ASXL3: variants seen among roughly 807,000 people sequenced by gnomAD.
The protein encoded by ASXL3 is ASXL transcriptional regulator 3.
In ASXL3, 34 loss-of-function variants were observed where a neutral mutation model predicts 170.6. The ratio of observed to expected loss-of-function variants is 0.20; its 90% confidence interval spans 0.15 to 0.27. The LOEUF is 0.27. Ranked by LOEUF, ASXL3 falls within the 10% of genes least tolerant of loss-of-function variation. The pLI is 1.00. For missense variants in ASXL3, 2,592 were observed against 2,695.3 expected (o/e 0.96, Z 0.85); for synonymous variants, 1,002 against 989.1 (o/e 1.01, Z -0.24).
intron 1 of ASXL3, among the ~76,000 whole-genome samples, chr18:33,598,974 G>C (rs956231466): frequency 5.9e-5 from 9 of 152,096 alleles, no homozygotes; most frequent in Middle Eastern, 3.4e-3. Context: ...TATGTGATAG[G>C]GTTGTTAAAA....
intron 1 of ASXL3, among the ~76,000 whole-genome samples, chr18:33,583,412 C>A (rs1316126856): frequency 6.6e-6 from 1 of 152,144 alleles, no homozygotes; most frequent in East Asian, 1.9e-4. Context: ...TGATTCAGCT[C>A]TTTTCTGTGG....
chr18:33,602,093 C>T (rs1041613036), intron 1 of ASXL3, among the ~76,000 whole-genome samples: 5 of 151,916 alleles, frequency 3.3e-5, no homozygotes, highest in African/African-American at 4.8e-5. Context: ...TGAGCCACCA[C>T]GTCTGGGCTG....
intron 8 of ASXL3, among the ~76,000 whole-genome samples, chr18:33,701,386 T>G (rs2066871600): frequency 6.6e-6 from 1 of 152,088 alleles, no homozygotes; most frequent in Non-Finnish European, 1.5e-5. Context: ...TAGGGAGTGT[T>G]GTCATTGCTT....
intron 1 of ASXL3, among the ~76,000 whole-genome samples, chr18:33,589,294 T>G (rs1256964578): frequency 6.6e-6 from 1 of 152,244 alleles, no homozygotes; most frequent in African/African-American, 2.4e-5. Context: ...TCTGACGTTA[T>G]AAGATGCCAG....
chr18:33,670,347 A>G (rs938396874), intron 5 of ASXL3, among the ~76,000 whole-genome samples: 4 of 152,234 alleles, frequency 2.6e-5, no homozygotes, highest in Non-Finnish European at 5.9e-5. Flanking sequence ...TTTTACATTC[A>G]TTTGACTTGG....
chr18:33,646,883 G>GT (rs931908414), intron 4 of ASXL3, among the ~76,000 whole-genome samples: 1 of 143,920 alleles, frequency 6.9e-6, no homozygotes, highest in African/African-American at 2.6e-5. Flanking sequence ...GGGGGAGCGG[G>GT]GGGGGGGGGC....
At chr18:33,592,682 A>G (rs1183636837) in intron 1 of ASXL3, among the ~76,000 whole-genome samples, 2 of 152,192 alleles carry the variant, frequency 1.3e-5, no homozygotes, top group Non-Finnish European at 2.9e-5. Context: ...TGACAGAGTC[A>G]ATCTTTATAA....
At chr18:33,617,100 T>C (rs1393851180) in intron 2 of ASXL3, among the ~76,000 whole-genome samples, 2 of 152,186 alleles carry the variant, frequency 1.3e-5, no homozygotes, top group African/African-American at 4.8e-5. Context: ...TATAACAATA[T>C]GCTTAACACA....
intron 1 of ASXL3, among the ~76,000 whole-genome samples, chr18:33,606,975 G>A (rs1347227030): frequency 6.6e-6 from 1 of 152,014 alleles, no homozygotes; most frequent in Non-Finnish European, 1.5e-5. Flanking sequence ...CAGAAGAGGA[G>A]AGAAAGAGAA....
chr18:33,618,037 A>G (rs1379220537), intron 2 of ASXL3, among the ~76,000 whole-genome samples: 1 of 152,200 alleles, frequency 6.6e-6, no homozygotes, highest in Non-Finnish European at 1.5e-5. Context: ...TTGACAACAT[A>G]ATTCAAATGC....
At chr18:33,723,279 T>C (rs759227164) in intron 8 of ASXL3, among the ~76,000 whole-genome samples, 1 of 152,150 alleles carries the variant, frequency 6.6e-6, no homozygotes, top group African/African-American at 2.4e-5. Flanking sequence ...GCAAGGTGAA[T>C]TGAAAGTCTT....
At chr18:33,689,485 A>G (rs1350719387) in intron 8 of ASXL3, among the ~76,000 whole-genome samples, 1 of 152,172 alleles carries the variant, frequency 6.6e-6, no homozygotes, top group Non-Finnish European at 1.5e-5. Flanking sequence ...TTGAGTTGTC[A>G]TGTCTCTGTA....
At chr18:33,637,818 A>G (rs970977799) in intron 2 of ASXL3, among the ~76,000 whole-genome samples, 2 of 152,162 alleles carry the variant, frequency 1.3e-5, no homozygotes, top group Non-Finnish European at 1.5e-5. Context: ...TAAACTAAGG[A>G]TAACATTTAA....
chr18:33,726,616 T>A (rs1042744877), intron 8 of ASXL3, among the ~76,000 whole-genome samples: 1 of 152,202 alleles, frequency 6.6e-6, no homozygotes, highest in African/African-American at 2.4e-5. Context: ...ATTATTGAAA[T>A]TAATTACATG....
intron 8 of ASXL3, among the ~76,000 whole-genome samples, chr18:33,706,746 T>C (rs557727529): frequency 2.6e-5 from 4 of 151,904 alleles, no homozygotes; most frequent in Admixed American, 2.6e-4. Flanking sequence ...GTCAAATATA[T>C]TGTTGGTATC....
At chr18:33,698,291 T>C (rs2066808964) in intron 8 of ASXL3, among the ~76,000 whole-genome samples, 1 of 152,170 alleles carries the variant, frequency 6.6e-6, no homozygotes, top group Admixed American at 6.6e-5. Flanking sequence ...AGATATCACC[T>C]CTACTGGTGC....
intron 4 of ASXL3, among the ~76,000 whole-genome samples, chr18:33,656,522 G>A (rs184424968): frequency 1.3e-5 from 2 of 152,060 alleles, no homozygotes; most frequent in African/African-American, 4.8e-5. Flanking sequence ...CCTGGTCTGT[G>A]TTGTGGTTCT....
intron 2 of ASXL3, among the ~76,000 whole-genome samples, chr18:33,634,275 C>T (rs765040194): frequency 2.0e-5 from 3 of 150,070 alleles, no homozygotes; most frequent in Non-Finnish European, 4.4e-5. Context: ...AGAGTACCCA[C>T]GTTCCAACAA....
intron 8 of ASXL3, among the ~76,000 whole-genome samples, chr18:33,718,055 A>G (rs1455001713): frequency 6.6e-6 from 1 of 152,152 alleles, no homozygotes; most frequent in Non-Finnish European, 1.5e-5. Flanking sequence ...TCTGTTGTTT[A>G]TACTCCCTAA....
Sources: allele counts gnomAD v4.1 joint callset (sites outside exome capture counted in the v4.1 genomes callset), GRCh38; gene constraint gnomAD v4.1.1; transcripts MANE v1.5; gene names NCBI Gene and HGNC (gene_info 2026-07-23, HGNC 2026-07-21).